Variants in NRK observed in about 807,000 individuals in gnomAD.
NRK encodes nik-related protein kinase.
NRK carries 67 observed loss-of-function variants against 125.2 expected under a neutral mutation model. The ratio of observed to expected loss-of-function variants is 0.54; its 90% CI spans 0.44 to 0.66. The LOEUF is 0.66. Ranked by LOEUF, NRK falls within the 30% of genes least tolerant of loss-of-function variation. The pLI is 0.00. For missense variants in NRK, 1,224 were observed against 1,192.9 expected (o/e 1.03, Z -0.38); for synonymous variants, 458 against 429.0 (o/e 1.07, Z -0.84).
intron 16 of NRK, among the ~76,000 whole-genome samples, chrX:105,921,379 C>A (rs1466592190): frequency 1.9e-5 from 2 of 106,025 alleles, no homozygotes; most frequent in African/African-American, 7.0e-5. Context: ...ATACCTAATA[C>A]TAGATGACGA....
chrX:105,909,401 T>A lies in NRK; in HGVS notation c.1760T>A (p.Val587Glu). Reference protein sequence around the residue: ...EPESLRVNAQVFLPLLSQDHH... With the variant: ...EPESLRVNAQEFLPLLSQDHH... ...GAGTCATTACGAGTAAATGCCCAGG[T>A]ATTTCTGCCCCTGCTATCACAAGAT... is the stretch of plus-strand genomic sequence containing the variant. Residue 587 changes from valine (V) to glutamate (E), a missense_variant, in exon 13 of 29, where the codon GTA (valine) becomes GAA (glutamate). Coordinates refer to ENST00000243300, the MANE Select transcript of NRK (RefSeq NM_198465.4). 1 of 1,206,861 alleles carries A rather than the reference T, an allele frequency of 8.3e-7. No individual in the cohort carries two copies. Among genetic ancestry groups the A allele is most frequent in the Non-Finnish European group, 1.1e-6 (1 of 892,914 alleles).
chrX:105,916,038 C>T (rs1379165014), intron 15 of NRK, among the ~76,000 whole-genome samples: 2 of 110,529 alleles, frequency 1.8e-5, no homozygotes, highest in Non-Finnish European at 3.8e-5. Context: ...TGGCAAGGTT[C>T]ACAATTTTAA....
intron 5 of NRK, among the ~76,000 whole-genome samples, chrX:105,890,395 G>C (rs2040002156): frequency 8.9e-6 from 1 of 112,031 alleles, no homozygotes; most frequent in South Asian, 3.7e-4. Context: ...CTGTTACCCA[G>C]TTCCAAAGTT....
At chrX:105,895,202 T>C (rs1373051077) in intron 6 of NRK, 3 of 506,469 alleles carry the variant, frequency 5.9e-6, no homozygotes, top group Non-Finnish European at 1.1e-5. Flanking sequence ...CTCTTTTTTT[T>C]CGTGGGTGTC....
intron 4 of NRK, among the ~76,000 whole-genome samples, chrX:105,884,991 A>G (rs1363346261): frequency 9.0e-6 from 1 of 110,958 alleles, no homozygotes; most frequent in Non-Finnish European, 1.9e-5. Context: ...GGGTTCCACC[A>G]TTTTGGCCAG....
intron 9 of NRK, among the ~76,000 whole-genome samples, chrX:105,902,173 C>G (rs889225352): frequency 9.1e-6 from 1 of 109,648 alleles, no homozygotes; most frequent in African/African-American, 3.3e-5. Context: ...AGCAAACTCA[C>G]AGGAGTGCAG....
chrX:105,948,275 C>T (rs1289871333), intron 26 of NRK, among the ~76,000 whole-genome samples: 1 of 111,520 alleles, frequency 9.0e-6, no homozygotes, highest in Non-Finnish European at 1.9e-5. Context: ...TCTTAAAAAT[C>T]ACTTTCTGAC....
chrX:105,835,904 C>T (rs1179597238), intron 2 of NRK, among the ~76,000 whole-genome samples: 2 of 111,711 alleles, frequency 1.8e-5, no homozygotes, highest in African/African-American at 6.5e-5. Flanking sequence ...TAGCAGTTCA[C>T]TAAAAATTTG....
At chrX:105,897,650 T>C (rs1439048051) in intron 7 of NRK, among the ~76,000 whole-genome samples, 1 of 112,320 alleles carries the variant, frequency 8.9e-6, no homozygotes, top group Non-Finnish European at 1.9e-5. Context: ...GTGAGAATGC[T>C]GGGCAATTAT....
intron 4 of NRK, among the ~76,000 whole-genome samples, chrX:105,884,866 G>A (rs568095198): frequency 3.7e-4 from 41 of 112,185 alleles, no homozygotes; most frequent in Middle Eastern, 4.6e-3. Flanking sequence ...GTGTGCAGTG[G>A]CACAATCTTG....
At chrX:105,835,615 C>A (rs961356438) in intron 2 of NRK, among the ~76,000 whole-genome samples, 6 of 105,865 alleles carry the variant, frequency 5.7e-5, no homozygotes, top group African/African-American at 2.2e-4. Flanking sequence ...GCCCTTCTCC[C>A]AAAATTGGAG....
rs145752571 is a variant in NRK, at chrX:105,877,453, A to C, written c.124-2746A>C. On this transcript the variant is annotated intron_variant, in intron 2 of 28. Transcript: ENST00000243300. ...TTAATTTCTTCATTTTGACAATTGT[A>C]GCATGGCCATCTAAGATGTTAACAT... 9.8e-5 allele frequency among the ~76,000 whole-genome samples: 11 copies of C among 111,710 alleles called. No individual in the cohort carries two copies. In the East Asian group the frequency reaches 3.1e-3, roughly 32 times the overall value.
rs978013273 is a variant in NRK, at chrX:105,956,687, G to A, written c.*1087G>A. 1.3e-4 allele frequency: 14 copies of A among 111,324 alleles called. No individual in the cohort carries two copies. Among genetic ancestry groups the A allele is most frequent in the African/African-American group, 4.6e-4 (14 of 30,630 alleles). 9.2% of individuals were successfully genotyped at this position (111,324 alleles called of 1,213,427 possible). A position where few individuals can be genotyped will look rare whatever the true frequency, so the allele number is the denominator to read the frequency against. ...CATGTGTAACGACTTAATGTTAAAG[G>A]TTAAAAAAAAGATTTCACAAAATAT... On this transcript the variant is annotated 3_prime_UTR_variant, in exon 29 of 29. Coordinates refer to ENST00000243300, the MANE Select transcript of NRK (RefSeq NM_198465.4).
At chrX:105,886,142 T>A (rs766221411) in intron 4 of NRK, among the ~76,000 whole-genome samples, 10 of 109,870 alleles carry the variant, frequency 9.1e-5, no homozygotes, top group Non-Finnish European at 1.9e-4. Context: ...ATATAGATAA[T>A]TCTCAGAAAC....
Position 105,924,864 on chromosome X carries a change from A to C in NRK, c.3145A>C (p.Asn1049His), listed in dbSNP as rs1489910323. The stretch of plus-strand genomic sequence containing the variant: ...TGGAGATCAGGAAGAACATGCAGCC[A>C]ATATAGGCAGTGAAAGAAGAGGCAG... ...AIGDQEEHAANIGSERRGSEG... is the reference protein window; with the variant it reads ...AIGDQEEHAAHIGSERRGSEG... Residue 1049 changes from asparagine (N) to histidine (H), a missense_variant, in exon 19 of 29, where the codon AAT becomes CAT. Transcript: ENST00000243300. 4.1e-6 allele frequency: 5 copies of C among 1,209,490 alleles called. No homozygotes were observed. The highest frequency in any genetic ancestry group is 5.6e-6 in the Non-Finnish European group (5 of 894,918).
Position 105,909,007 on chromosome X carries a change from A to G in NRK, c.1366A>G (p.Lys456Glu). 4.1e-6 allele frequency: 5 copies of G among 1,209,063 alleles called. No homozygotes were observed. Among genetic ancestry groups the G allele is most frequent in the Non-Finnish European group, 5.6e-6 (5 of 893,786 alleles). Reference protein sequence around the residue: ...FMPLQAQVKAKASKPLQMQIK... With the variant: ...FMPLQAQVKAEASKPLQMQIK... ...GCCACTACAGGCTCAGGTGAAGGCTAAGGCCTCTAAACCTCTACAAATGCA... is the reference window on the plus strand; with the variant it reads ...GCCACTACAGGCTCAGGTGAAGGCTGAGGCCTCTAAACCTCTACAAATGCA... Residue 456 changes from lysine (K) to glutamate (E), a missense_variant, in exon 13 of 29, where the codon AAG becomes GAG. Physicochemically the swap from Lys to Glu is moderately conservative, Grantham distance 56 (BLOSUM62 1). Coordinates refer to ENST00000243300, the MANE Select transcript of NRK (RefSeq NM_198465.4).
At chrX:105,883,133 C>T (rs1246243335) in intron 4 of NRK, among the ~76,000 whole-genome samples, 1 of 112,034 alleles carries the variant, frequency 8.9e-6, no homozygotes, top group Admixed American at 9.5e-5. Context: ...TTAAATTACC[C>T]ACTTGGTCTG....
intron 4 of NRK, among the ~76,000 whole-genome samples, chrX:105,886,441 GATA>G (rs1176950439): frequency 1.7e-4 from 17 of 101,905 alleles, no homozygotes; most frequent in African/African-American, 4.6e-4. Flanking sequence ...TATATATACA[GATA>G]ATTATATATA....
chrX:105,884,818 T>C (rs1194413335), intron 4 of NRK, among the ~76,000 whole-genome samples: 2 of 112,501 alleles, frequency 1.8e-5, no homozygotes, highest in African/African-American at 6.5e-5. Context: ...TTTGTTTGTT[T>C]GTTTTTGAGA....
Sources: allele counts gnomAD v4.1 joint callset (sites outside exome capture counted in the v4.1 genomes callset), GRCh38; gene constraint gnomAD v4.1.1; transcripts MANE v1.5; gene names NCBI Gene and HGNC (gene_info 2026-07-23, HGNC 2026-07-21).